NECAB1: variants seen among roughly 807,000 people sequenced by gnomAD.
The protein encoded by NECAB1 is N-terminal EF-hand calcium binding protein 1.
A neutral mutation model predicts 57.5 loss-of-function variants in NECAB1; 29 were observed. That is an observed-to-expected ratio of 0.50 (90% confidence interval 0.38 to 0.69). The LOEUF (loss-of-function observed/expected upper bound fraction) is 0.69, where lower values mean the gene tolerates loss of function less well. NECAB1 is among the 30% of genes least tolerant of loss of function. The probability of loss-of-function intolerance (pLI) is 0.00; values close to 1 mark genes in which losing one functional copy is unlikely to be tolerated. For missense variants in NECAB1, 372 were observed against 413.8 expected (o/e 0.90, Z 0.88); for synonymous variants, 142 against 147.7 (o/e 0.96, Z 0.28).
intron 2 of NECAB1, among the ~76,000 whole-genome samples, chr8:90,816,248 A>G (rs925458294): frequency 5.3e-5 from 8 of 151,786 alleles, no homozygotes; most frequent in African/African-American, 1.7e-4. Context: ...TATATTATGG[A>G]TATAAGTCCT....
chr8:90,830,446 T>C (rs1380054637), intron 3 of NECAB1, among the ~76,000 whole-genome samples: 1 of 151,952 alleles, frequency 6.6e-6, no homozygotes, highest in African/African-American at 2.4e-5. Flanking sequence ...GAGAACAAAG[T>C]AAAGATCAAA....
chr8:90,906,891 A>ATATATATATGTATATATATATG (rs1809680511), intron 5 of NECAB1, among the ~76,000 whole-genome samples: 5 of 113,392 alleles, frequency 4.4e-5, no homozygotes, highest in African/African-American at 2.0e-4. Context: ...ATATATATAT[A>ATATATATATGTATATATATATG]TATATATATA....
chr8:90,847,678 A>G (rs1812593969), intron 3 of NECAB1, among the ~76,000 whole-genome samples: 1 of 152,238 alleles, frequency 6.6e-6, no homozygotes, highest in Non-Finnish European at 1.5e-5. Flanking sequence ...CCCAAACCTC[A>G]GTTCTTGACT....
chr8:90,935,927 G>C (rs1810528242), intron 9 of NECAB1, among the ~76,000 whole-genome samples: 1 of 152,076 alleles, frequency 6.6e-6, no homozygotes, highest in African/African-American at 2.4e-5. Flanking sequence ...TTTAAAAGCA[G>C]AAAAGGATAT....
At chr8:90,950,173 G>A (rs931016997) in intron 11 of NECAB1, among the ~76,000 whole-genome samples, 6 of 152,130 alleles carry the variant, frequency 3.9e-5, no homozygotes, top group African/African-American at 1.4e-4. Flanking sequence ...AGTGTCTAAA[G>A]CTGGTGAGGG....
chr8:90,935,489 G>A (rs1422854974), intron 9 of NECAB1, among the ~76,000 whole-genome samples: 1 of 152,098 alleles, frequency 6.6e-6, no homozygotes, highest in African/African-American at 2.4e-5. Context: ...ACTTTCATGG[G>A]AAAGAGAGGA....
chr8:90,845,695 A>G (rs1476147143), intron 3 of NECAB1, among the ~76,000 whole-genome samples: 1 of 152,222 alleles, frequency 6.6e-6, no homozygotes. Context: ...TCACCAGAAA[A>G]AAATCAAAGT....
At chr8:90,921,674 C>CAA (rs375996431) in intron 6 of NECAB1, among the ~76,000 whole-genome samples, 11 of 143,030 alleles carry the variant, frequency 7.7e-5, no homozygotes, top group African/African-American at 2.8e-4. Flanking sequence ...AACTCCATCT[C>CAA]AAAAAAAAAA....
At chr8:90,830,912 T>C (rs971246621) in intron 3 of NECAB1, among the ~76,000 whole-genome samples, 1 of 152,126 alleles carries the variant, frequency 6.6e-6, no homozygotes, top group Non-Finnish European at 1.5e-5. Context: ...GATTTTGTAG[T>C]AGGCAAGAAT....
chr8:90,870,694 T>G (rs747795257), intron 3 of NECAB1, among the ~76,000 whole-genome samples: 1 of 152,234 alleles, frequency 6.6e-6, no homozygotes, highest in Non-Finnish European at 1.5e-5. Flanking sequence ...TTTATTGCAT[T>G]AAAATTGTTT....
chr8:90,896,772 A>T (rs1283047633), intron 5 of NECAB1, among the ~76,000 whole-genome samples: 1 of 152,060 alleles, frequency 6.6e-6, no homozygotes, highest in Non-Finnish European at 1.5e-5. Context: ...ACCCTGACTC[A>T]TTCCGATTAC....
chr8:90,879,167 A>G (rs1808790198), intron 4 of NECAB1, among the ~76,000 whole-genome samples: 1 of 143,666 alleles, frequency 7.0e-6, no homozygotes, highest in Admixed American at 7.1e-5. Flanking sequence ...TTGCTTTTTT[A>G]GCAACAATTT....
At chr8:90,839,452 C>T (rs1812421217) in intron 3 of NECAB1, among the ~76,000 whole-genome samples, 1 of 152,110 alleles carries the variant, frequency 6.6e-6, no homozygotes, top group South Asian at 2.1e-4. Context: ...TGGTGGTAAA[C>T]AAGGGATTTA....
intron 3 of NECAB1, among the ~76,000 whole-genome samples, chr8:90,826,536 G>A (rs1025930953): frequency 2.6e-5 from 4 of 151,864 alleles, no homozygotes; most frequent in South Asian, 2.1e-4. Flanking sequence ...CTCCCCTTGC[G>A]GCTTAGGTGT....
At chr8:90,821,592 A>G (rs1321514941) in intron 2 of NECAB1, among the ~76,000 whole-genome samples, 4 of 151,498 alleles carry the variant, frequency 2.6e-5, no homozygotes, top group Non-Finnish European at 5.9e-5. Flanking sequence ...TTCCTTCACT[A>G]ACCCCTATTT....
intron 9 of NECAB1, among the ~76,000 whole-genome samples, chr8:90,935,935 T>G (rs1362093920): frequency 1.3e-5 from 2 of 152,158 alleles, no homozygotes; most frequent in African/African-American, 4.8e-5. Context: ...CAGAAAAGGA[T>G]ATTCCCTATT....
intron 6 of NECAB1, among the ~76,000 whole-genome samples, chr8:90,923,274 C>T (rs78087766): frequency 6.6e-6 from 1 of 152,180 alleles, no homozygotes; most frequent in East Asian, 1.9e-4. Flanking sequence ...CCTGGCACAG[C>T]TGATAGGACA....
chr8:90,824,595 GTTCT>G (rs1413090021), intron 2 of NECAB1, 118 bp from the exon 3 acceptor site: 1 of 519,184 alleles, frequency 1.9e-6, no homozygotes, highest in Non-Finnish European at 3.4e-6. Flanking sequence ...ACCTTCAGCT[GTTCT>G]TTCTTTTTGA....
At chr8:90,843,836 G>A (rs1812503668) in intron 3 of NECAB1, among the ~76,000 whole-genome samples, 1 of 152,172 alleles carries the variant, frequency 6.6e-6, no homozygotes, top group Non-Finnish European at 1.5e-5. Flanking sequence ...GCTTCTGGCA[G>A]AGAACTTCTA....
Sources: allele counts gnomAD v4.1 joint callset (sites outside exome capture counted in the v4.1 genomes callset), GRCh38; gene constraint gnomAD v4.1.1; transcripts MANE v1.5; gene names NCBI Gene and HGNC (gene_info 2026-07-23, HGNC 2026-07-21).